ANAPC4: variants seen among roughly 807,000 people sequenced by gnomAD.
ANAPC4 encodes the protein anaphase promoting complex subunit 4.
A neutral mutation model predicts 119.8 loss-of-function variants in ANAPC4; 63 were observed. The ratio of observed to expected loss-of-function variants is 0.53; its 90% confidence interval spans 0.43 to 0.65. The LOEUF (loss-of-function observed/expected upper bound fraction) is 0.65, where lower values mean the gene tolerates loss of function less well. ANAPC4 is among the 30% of genes least tolerant of loss of function. ANAPC4 has a pLI of 0.00. For missense variants in ANAPC4, 716 were observed against 945.1 expected (o/e 0.76, Z 3.18); for synonymous variants, 283 against 318.6 (o/e 0.89, Z 1.19).
chr4:25,381,397 AC>A (rs1408578090), intron 3 of ANAPC4, among the ~76,000 whole-genome samples: 2 of 150,760 alleles, frequency 1.3e-5, no homozygotes, highest in African/African-American at 4.9e-5. Flanking sequence ...TGAAACCTTC[AC>A]CTCCCGGGTT....
chr4:25,395,990 C>A (rs775079549), intron 14 of ANAPC4, among the ~76,000 whole-genome samples: 2 of 152,188 alleles, frequency 1.3e-5, no homozygotes, highest in African/African-American at 4.8e-5. Context: ...TCTGCCTCGC[C>A]CACACTGATG....
chr4:25,402,987 A>G lies in ANAPC4; in HGVS notation c.1231A>G (p.Met411Val), dbSNP rs772244461. ...NELLQVIDSS[M>V]KNFKAFFRWL... ...TCTCTTTAGAGTTATAGATAGTAGTATGAAAAACTTCAAAGCATTTTTTCG... is the reference window on the plus strand; with the variant it reads ...TCTCTTTAGAGTTATAGATAGTAGTGTGAAAAACTTCAAAGCATTTTTTCG... Residue 411 changes from methionine (M) to valine (V), a missense_variant, in exon 17 of 29, where the codon ATG becomes GTG. Physicochemically the swap from Met to Val is conservative, Grantham distance 21. This residue lies in a region of ANAPC4 where 504 missense variants were observed against 615.8 expected (regional missense o/e 0.82). Transcript: ENST00000315368. The G allele has an allele frequency of 2.5e-6, 4 of 1,597,516 alleles. No homozygotes were observed. The South Asian group carries it at 4.5e-5, about 18-fold the overall frequency.
intron 3 of ANAPC4, among the ~76,000 whole-genome samples, chr4:25,382,496 A>G (rs1462698151): frequency 1.3e-5 from 2 of 152,268 alleles, no homozygotes; most frequent in African/African-American, 4.8e-5. Context: ...AATCTCAAAG[A>G]TAAATCACAA....
intron 10 of ANAPC4, among the ~76,000 whole-genome samples, chr4:25,393,092 T>C (rs191072394): frequency 6.6e-6 from 1 of 152,328 alleles, no homozygotes; most frequent in East Asian, 1.9e-4. Flanking sequence ...CTACAAAAGA[T>C]TGTGGCCATG....
intron 8 of ANAPC4, 106 bp downstream of exon 8, chr4:25,390,326 T>G (rs1722276441): frequency 2.7e-6 from 2 of 730,258 alleles, no homozygotes; most frequent in Non-Finnish European, 4.3e-6. Context: ...GTTTCGATTT[T>G]TGGAATTATT....
chr4:25,386,318 T>C lies in ANAPC4; in HGVS notation c.369-2182T>C, dbSNP rs62409207. Among the ~76,000 whole-genome samples, 121 of 152,284 alleles carry C rather than the reference T, an allele frequency of 7.9e-4. 1 individual carries two copies. The highest frequency in any genetic ancestry group is 1.5e-3 in the Non-Finnish European group (103 of 68,012). ...GCCTCTGCCTGCAGGGTTCAAGTGA[T>C]TCTCCTGCCTCAGCCTCCCGAGAAA... On this transcript the variant is annotated intron_variant, in intron 4 of 28. Coordinates refer to ENST00000315368, the MANE Select transcript of ANAPC4 (RefSeq NM_013367.3).
chr4:25,402,285 G>A (rs1723020433), intron 16 of ANAPC4, among the ~76,000 whole-genome samples: 1 of 152,172 alleles, frequency 6.6e-6, no homozygotes, highest in Non-Finnish European at 1.5e-5. Flanking sequence ...ATTTGGGAAT[G>A]AAAAGCACAG....
intron 24 of ANAPC4, 30 bp from the exon 25 acceptor site, chr4:25,414,569 A>T (rs1477883945): frequency 6.4e-7 from 1 of 1,557,064 alleles, no homozygotes; most frequent in Non-Finnish European, 8.7e-7. Context: ...ATCAATAGTT[A>T]AAAAATATTA....
At chr4:25,388,392 T>C in intron 4 of ANAPC4, 108 bp from the exon 5 acceptor site, 2 of 727,940 alleles carry the variant, frequency 2.7e-6, no homozygotes, top group Non-Finnish European at 4.7e-6. Context: ...ATCTATTTAC[T>C]TGATAATGTT....
At chr4:25,418,052 C>A in intron 28 of ANAPC4, 103 bp from the exon 29 acceptor site, 3 of 1,151,328 alleles carry the variant, frequency 2.6e-6, no homozygotes, top group Non-Finnish European at 2.5e-6. Context: ...GGGAATATAA[C>A]TTTCCTATAA....
chr4:25,407,030 A>G (rs1723287740), intron 19 of ANAPC4, 145 bp downstream of exon 19: 2 of 896,104 alleles, frequency 2.2e-6, no homozygotes, highest in African/African-American at 1.7e-5. Context: ...TTATGTTTAT[A>G]AACATAGTCA....
chr4:25,405,145 C>A lies in ANAPC4; in HGVS notation c.1271-428C>A, dbSNP rs1648334669. Among the ~76,000 whole-genome samples the A allele has an allele frequency of 6.6e-6, 1 of 150,880 alleles. No individual in the cohort carries two copies. The highest frequency in any genetic ancestry group is 2.1e-4 in the South Asian group (1 of 4,756). ...GATCAAAGAAAAGTACATAAATATA[C>A]TGTAAGCGCGTAGCAGAAAAGACCA... On this transcript the variant is annotated intron_variant, in intron 17 of 28. Transcript: ENST00000315368. The surrounding 1 kb of genome is among the most constrained non-coding windows in gnomAD (Gnocchi z 4.6).
chr4:25,392,332 T>C lies in ANAPC4; in HGVS notation c.706-6T>C, dbSNP rs774477223. The C allele has an allele frequency of 2.5e-6, 4 of 1,604,688 alleles. No homozygotes were observed. The South Asian group carries it at 4.4e-5, about 18-fold the overall frequency. On this transcript the variant is annotated splice_polypyrimidine_tract_variant and splice_region_variant and intron_variant, in intron 9 of 28. Transcript: ENST00000315368. ...GATGACTCACTTTACTCTTTTGATT[T>C]TACAGCTTGAAACTAATCTGTTGTA...
chr4:25,389,386 T>C (rs1192999925), intron 7 of ANAPC4, among the ~76,000 whole-genome samples: 1 of 151,998 alleles, frequency 6.6e-6, no homozygotes, highest in African/African-American at 2.4e-5. Context: ...CTCGATCTCT[T>C]GACCTCGTGA....
intron 2 of ANAPC4, among the ~76,000 whole-genome samples, 156 bp from the exon 3 acceptor site, chr4:25,380,218 G>C (rs915863257): frequency 6.6e-6 from 1 of 152,134 alleles, no homozygotes; most frequent in Non-Finnish European, 1.5e-5. Flanking sequence ...AAAATACCTT[G>C]TGTTCATTCA....
In ANAPC4 at chr4:25,377,962, T is replaced by A. The variant is rs74920950; in HGVS notation, c.129+406T>A. On this transcript the variant is annotated intron_variant, in intron 2 of 28. Transcript: ENST00000315368. ...GCCCTAAGTTTGCTTACAGTTTTAA[T>A]AGCAGTAGGAAGAGTTATTGTCAAA... 2.6e-5 allele frequency among the ~76,000 whole-genome samples: 4 copies of A among 152,342 alleles called. No individual in the cohort carries two copies. In the East Asian group the frequency reaches 7.7e-4, roughly 29 times the overall value.
chr4:25,377,319 T>TA lies in ANAPC4; in HGVS notation c.-35dup. On this transcript the variant is annotated 5_prime_UTR_variant, in exon 1 of 29. Transcript: ENST00000315368. ...AGGGGAGAGGCCACTGGGGCCGTGTTAGTCTGCCGGTGGGGACTCTTGCAG... is the reference window on the plus strand; with the variant it reads ...AGGGGAGAGGCCACTGGGGCCGTGTTAAGTCTGCCGGTGGGGACTCTTGCAG... The TA allele has an allele frequency of 1.4e-6, 2 of 1,459,868 alleles. No homozygotes were observed. Among genetic ancestry groups the TA allele is most frequent in the Non-Finnish European group, 1.8e-6 (2 of 1,086,638 alleles). 90.4% of individuals were successfully genotyped at this position (1,459,868 alleles called of 1,614,324 possible).
chr4:25,389,007 CT>C, intron 7 of ANAPC4, 125 bp downstream of exon 7: 1 of 851,526 alleles, frequency 1.2e-6, no homozygotes, highest in Non-Finnish European at 1.8e-6. Context: ...TTTTTGTTTT[CT>C]TTTTGAGATG....
In ANAPC4 at chr4:25,391,012, T is replaced by A. The variant is rs1560433984; in HGVS notation, c.702T>A (p.Phe234Leu). 5 of 1,604,444 alleles carry A rather than the reference T, an allele frequency of 3.1e-6. No homozygotes were observed. Among genetic ancestry groups the A allele is most frequent in the Non-Finnish European group, 3.4e-6 (4 of 1,171,502 alleles). Residue 234 changes from phenylalanine to leucine, a missense_variant, in exon 9 of 29, where the codon TTT becomes TTA. Coordinates refer to ENST00000315368, the MANE Select transcript of ANAPC4 (RefSeq NM_013367.3). ...STNGASEVSY[F>L]QLETNLLYSF... ...ATGGTGCTTCAGAAGTTTCATACTTTCAGGTGAGTATTGGAACTTGATAAC... is the reference window on the plus strand; with the variant it reads ...ATGGTGCTTCAGAAGTTTCATACTTACAGGTGAGTATTGGAACTTGATAAC...
Sources: gnomAD v4.1 joint callset for allele counts (sites outside exome capture counted in the v4.1 genomes callset) on GRCh38, gnomAD v4.1.1 for gene constraint, gnomAD v4.1.1 regional missense constraint, Gnocchi (gnomAD v3.1) non-coding constraint, MANE v1.5 for transcripts, NCBI Gene and HGNC (gene_info 2026-07-23, HGNC 2026-07-21) for gene names.